Variants in CARMIL1 observed in about 807,000 individuals in gnomAD.
CARMIL1 encodes capping protein regulator and myosin 1 linker 1, also known as F-actin-uncapping protein LRRC16A.
CARMIL1 carries 90 observed loss-of-function variants against 177.1 expected under a neutral mutation model. That is an observed-to-expected ratio of 0.51 (90% confidence interval 0.43 to 0.61). CARMIL1 has a LOEUF of 0.61. Ranked by LOEUF, CARMIL1 falls within the 20% of genes least tolerant of loss-of-function variation. The probability of loss-of-function intolerance (pLI) is 0.00; values close to 1 mark genes in which losing one functional copy is unlikely to be tolerated. For synonymous variants in CARMIL1, 577 were observed against 606.2 expected, an observed-to-expected ratio of 0.95 and a Z score of 0.71; for missense variants, 1,380 against 1,667.0, an observed-to-expected ratio of 0.83 and a Z score of 3.00.
intron 2 of CARMIL1, among the ~76,000 whole-genome samples, chr6:25,404,998 G>T (rs947530986): frequency 2.8e-4 from 42 of 152,156 alleles, no homozygotes; most frequent in African/African-American, 8.9e-4. Context: ...AAAAGGTGTA[G>T]CAGCAGCAGT....
chr6:25,319,186 C>T (rs572311181), intron 2 of CARMIL1, among the ~76,000 whole-genome samples: 3 of 152,112 alleles, frequency 2.0e-5, no homozygotes, highest in South Asian at 2.1e-4. Flanking sequence ...ATTAATTAGA[C>T]GAATTGTGAA....
intron 2 of CARMIL1, among the ~76,000 whole-genome samples, chr6:25,391,767 C>T (rs1792844190): frequency 6.6e-6 from 1 of 152,200 alleles, no homozygotes; most frequent in African/African-American, 2.4e-5. Flanking sequence ...TGGACACTGA[C>T]ATCTGTAGAG....
chr6:25,430,573 G>A (rs1796675099), intron 4 of CARMIL1, among the ~76,000 whole-genome samples: 1 of 151,840 alleles, frequency 6.6e-6, no homozygotes, highest in Non-Finnish European at 1.5e-5. Context: ...GGGACTACAG[G>A]CATGCACCAC....
rs77650910 is a variant in CARMIL1 at position 25,341,819 on chromosome 6, G to A, written c.138+56910G>A. ...TAACTGAATTTAAGCCTCTTAGCCC[G>A]ACAGAATTTCTCCACAGGGTTCTGA... On this transcript the variant is annotated intron_variant, in intron 2 of 36. Coordinates refer to ENST00000329474, the MANE Select transcript of CARMIL1 (RefSeq NM_017640.6). Among the ~76,000 whole-genome samples the A allele has an allele frequency of 9.4e-3, 1,431 of 152,284 alleles. 36 individuals are homozygous for A. The highest frequency in any genetic ancestry group is 0.032 in the African/African-American group (1,333 of 41,534).
At chr6:25,445,584 G>A (rs1338784619) in intron 5 of CARMIL1, among the ~76,000 whole-genome samples, 1 of 150,600 alleles carries the variant, frequency 6.6e-6, no homozygotes, top group African/African-American at 2.5e-5. Context: ...ACCCAGGCTG[G>A]AGTGCAGTGG....
intron 11 of CARMIL1, among the ~76,000 whole-genome samples, chr6:25,481,718 A>G (rs190388900): frequency 3.1e-4 from 47 of 152,360 alleles, no homozygotes; most frequent in African/African-American, 9.6e-4. Flanking sequence ...CTGGTGAGTT[A>G]TCCAAAGTTA....
chr6:25,406,592 G>C (rs755789574), intron 2 of CARMIL1, among the ~76,000 whole-genome samples: 7 of 152,130 alleles, frequency 4.6e-5, no homozygotes, highest in Non-Finnish European at 1.0e-4. Flanking sequence ...TAGAGATGGA[G>C]AGAAGTGAAT....
At chr6:25,407,885 G>GATGCT (rs1166268410) in intron 2 of CARMIL1, among the ~76,000 whole-genome samples, 1 of 152,198 alleles carries the variant, frequency 6.6e-6, no homozygotes, top group African/African-American at 2.4e-5. Flanking sequence ...ATGCTAATGT[G>GATGCT]AATCACCTGG....
intron 8 of CARMIL1, among the ~76,000 whole-genome samples, chr6:25,460,906 A>G (rs938530156): frequency 1.3e-5 from 2 of 152,230 alleles, no homozygotes; most frequent in African/African-American, 4.8e-5. Flanking sequence ...ATTTAACACA[A>G]GAAATAGGCT....
At chr6:25,464,895 G>T (rs1800455549) in intron 8 of CARMIL1, among the ~76,000 whole-genome samples, 1 of 152,004 alleles carries the variant, frequency 6.6e-6, no homozygotes, top group Admixed American at 6.6e-5. Context: ...GTAACAAGTT[G>T]TCAGCTTTTT....
chr6:25,385,809 C>T (rs1023458745), intron 2 of CARMIL1, among the ~76,000 whole-genome samples: 2 of 152,156 alleles, frequency 1.3e-5, no homozygotes, highest in Non-Finnish European at 2.9e-5. Flanking sequence ...ACTCATTATT[C>T]CAGTCTGTAG....
At chr6:25,474,656 G>A (rs577935081) in intron 11 of CARMIL1, among the ~76,000 whole-genome samples, 8 of 152,302 alleles carry the variant, frequency 5.3e-5, no homozygotes, top group Non-Finnish European at 8.8e-5. Context: ...ATTAATGGAC[G>A]CATAGTAATG....
In CARMIL1 at chr6:25,540,058, G is replaced by A. The variant is rs1296666788; in HGVS notation, c.2308G>A (p.Val770Ile). 6.2e-7 allele frequency: 1 copy of A among 1,605,444 alleles called. No homozygotes were observed. Among genetic ancestry groups the A allele is most frequent in the Non-Finnish European group, 8.5e-7 (1 of 1,177,194 alleles). ...ATCAATGGCTGGAGAAGTTACAAGA[G>A]TAGTAGATGAACAACTAAAGGTTTG... ...LESMAGEVTR[V>I]VDEQLKALLE... The change falls in exon 26 of 37, where the codon GTA (valine) becomes ATA (isoleucine). Residue 770 changes from valine to isoleucine, a missense_variant. Coordinates refer to ENST00000329474, the MANE Select transcript of CARMIL1 (RefSeq NM_017640.6).
intron 11 of CARMIL1, among the ~76,000 whole-genome samples, chr6:25,480,717 A>C (rs1802028279): frequency 7.0e-6 from 1 of 143,690 alleles, no homozygotes; most frequent in African/African-American, 2.6e-5. Context: ...AATCTGTATT[A>C]CTATTTGTTT....
At chr6:25,498,984 C>T (rs1404136786) in intron 16 of CARMIL1, among the ~76,000 whole-genome samples, 1 of 152,192 alleles carries the variant, frequency 6.6e-6, no homozygotes, top group African/African-American at 2.4e-5. Context: ...CACTCACCTC[C>T]AGCCTCCTAA....
rs1368415999 is a variant in CARMIL1, at chr6:25,500,090, T to C, written c.1326-76T>C. 3.9e-6 allele frequency: 5 copies of C among 1,290,770 alleles called. No individual in the cohort carries two copies. In the African/African-American group the frequency reaches 7.3e-5, roughly 19 times the overall value. The allele number at this position is 1,290,770 out of a possible 1,614,324, so 80.0% of individuals were successfully genotyped here. ...AAGGCAGCCTTCTTTCTCTAGGCTT[T>C]ATTCAGTGTGCTTGCATTTTTTCTT... On this transcript the variant is annotated intron_variant, in intron 16 of 36. Transcript: ENST00000329474.
At chr6:25,567,841 A>G (rs991943209) in intron 29 of CARMIL1, among the ~76,000 whole-genome samples, 1 of 152,230 alleles carries the variant, frequency 6.6e-6, no homozygotes, top group Non-Finnish European at 1.5e-5. Context: ...AGAAACATCA[A>G]TTAAAGTTGG....
intron 2 of CARMIL1, among the ~76,000 whole-genome samples, chr6:25,337,359 C>T (rs1786365542): frequency 6.6e-6 from 1 of 152,032 alleles, no homozygotes; most frequent in Admixed American, 6.6e-5. Flanking sequence ...AACTATGAGA[C>T]TTCTTTGTAC....
At chr6:25,499,230 G>A (rs568051385) in intron 16 of CARMIL1, among the ~76,000 whole-genome samples, 86 of 152,336 alleles carry the variant, frequency 5.6e-4, no homozygotes, top group African/African-American at 2.1e-3. Flanking sequence ...ATGGAAAACA[G>A]GTAATCGCCC....
Sources: gnomAD v4.1 joint callset for allele counts (sites outside exome capture counted in the v4.1 genomes callset) on GRCh38, gnomAD v4.1.1 for gene constraint, MANE v1.5 for transcripts, NCBI Gene and HGNC (gene_info 2026-07-23, HGNC 2026-07-21) for gene names.